The following PTPRD variants were observed in gnomAD, a reference collection of about 807,000 sequenced individuals.
PTPRD encodes receptor-type tyrosine-protein phosphatase delta.
Under a neutral mutation model 214.5 loss-of-function variants are expected in PTPRD, and 34 were observed. That is an observed-to-expected ratio of 0.16 (90% CI 0.12 to 0.21). The LOEUF (loss-of-function observed/expected upper bound fraction) is 0.21, where lower values mean the gene tolerates loss of function less well. PTPRD is among the 10% of genes least tolerant of loss of function. The pLI, the probability that PTPRD is intolerant of heterozygous loss-of-function variation, is 1.00. For missense variants in PTPRD, 2,545 were observed against 2,398.7 expected (o/e 1.06, Z -1.27); for synonymous variants, 1,128 against 845.7 (o/e 1.33, Z -5.79).
At chr9:10,533,951 G>A (rs912314524) in intron 2 of PTPRD, among the ~76,000 whole-genome samples, 4 of 151,006 alleles carry the variant, frequency 2.6e-5, no homozygotes, top group Non-Finnish European at 5.9e-5. Context: ...AGTTAAGTTT[G>A]TAGCCTATTT....
At chr9:8,716,746 A>G (rs2098440855) in intron 12 of PTPRD, among the ~76,000 whole-genome samples, 1 of 152,158 alleles carries the variant, frequency 6.6e-6, no homozygotes, top group Non-Finnish European at 1.5e-5. Context: ...CCCTCATGAG[A>G]TACAACACAA....
intron 11 of PTPRD, among the ~76,000 whole-genome samples, chr9:9,007,730 CT>C (rs35507897): frequency 3.8e-4 from 52 of 135,954 alleles, no homozygotes; most frequent in African/African-American, 6.0e-4. Context: ...TACTTGGATC[CT>C]TTTTTTTTTT....
chr9:8,363,054 C>T (rs1347225484), intron 39 of PTPRD, among the ~76,000 whole-genome samples: 1 of 152,104 alleles, frequency 6.6e-6, no homozygotes, highest in Admixed American at 6.5e-5. Flanking sequence ...TTGATTTTTA[C>T]TAGGGTTTTT....
chr9:8,358,457 T>C (rs1442936881), intron 39 of PTPRD, among the ~76,000 whole-genome samples: 1 of 152,198 alleles, frequency 6.6e-6, no homozygotes, highest in African/African-American at 2.4e-5. Flanking sequence ...AAAAATTTTA[T>C]GGAATTTAGA....
At chr9:9,413,910 T>C (rs1426115613) in intron 8 of PTPRD, among the ~76,000 whole-genome samples, 2 of 152,222 alleles carry the variant, frequency 1.3e-5, no homozygotes, top group Admixed American at 6.5e-5. Context: ...TAATTACTGA[T>C]ACCAGTCCAA....
At chr9:9,923,628 G>C (rs894811277) in intron 5 of PTPRD, among the ~76,000 whole-genome samples, 1 of 151,866 alleles carries the variant, frequency 6.6e-6, no homozygotes, top group East Asian at 1.9e-4. Flanking sequence ...AACAAAAAGG[G>C]AATCAGGCTG....
chr9:9,832,631 G>C (rs1052295337), intron 5 of PTPRD, among the ~76,000 whole-genome samples: 2 of 151,966 alleles, frequency 1.3e-5, no homozygotes, highest in Admixed American at 6.6e-5. Flanking sequence ...AAACATAAGA[G>C]AGAACTTCCA....
At chr9:8,665,557 C>T (rs1173953712) in intron 12 of PTPRD, among the ~76,000 whole-genome samples, 1 of 152,176 alleles carries the variant, frequency 6.6e-6, no homozygotes, top group Non-Finnish European at 1.5e-5. Flanking sequence ...AAGATCAATA[C>T]AGATATTATT....
At chr9:9,778,380 A>T (rs1268206024) in intron 5 of PTPRD, among the ~76,000 whole-genome samples, 3 of 152,142 alleles carry the variant, frequency 2.0e-5, no homozygotes, top group Non-Finnish European at 4.4e-5. Context: ...TCCCTGGGGA[A>T]AAGGCAGAGA....
At chr9:10,574,777 A>G (rs201945954) in intron 2 of PTPRD, among the ~76,000 whole-genome samples, 12 of 122,660 alleles carry the variant, frequency 9.8e-5, no homozygotes, top group South Asian at 6.2e-4. Context: ...GTGTGTGTGT[A>G]TATATATACA....
intron 11 of PTPRD, among the ~76,000 whole-genome samples, chr9:8,818,374 T>C (rs1428173455): frequency 2.6e-5 from 4 of 152,214 alleles, no homozygotes; most frequent in African/African-American, 9.6e-5. Context: ...TAATTTGGTT[T>C]AATAACTTAT....
chr9:9,889,431 A>G (rs2072374020), intron 5 of PTPRD, among the ~76,000 whole-genome samples: 1 of 152,156 alleles, frequency 6.6e-6, no homozygotes, highest in Non-Finnish European at 1.5e-5. Flanking sequence ...TTAAATAAAT[A>G]TAGAAGTCCT....
At chr9:10,144,892 A>T (rs1484053985) in intron 3 of PTPRD, among the ~76,000 whole-genome samples, 1 of 152,136 alleles carries the variant, frequency 6.6e-6, no homozygotes, top group African/African-American at 2.4e-5. Flanking sequence ...AAAATTAAAA[A>T]TAAAATTAGT....
intron 3 of PTPRD, among the ~76,000 whole-genome samples, chr9:10,086,365 T>C (rs951543595): frequency 2.0e-5 from 3 of 151,600 alleles, no homozygotes; most frequent in Non-Finnish European, 2.9e-5. Context: ...CCAACTATCC[T>C]CTCCTTTTCA....
chr9:10,260,792 G>A (rs992721420), intron 3 of PTPRD, among the ~76,000 whole-genome samples: 7 of 151,892 alleles, frequency 4.6e-5, no homozygotes, highest in African/African-American at 9.7e-5. Flanking sequence ...TCCTTTTAGG[G>A]CAACATTGTT....
chr9:10,015,198 T>G (rs776484176), intron 4 of PTPRD, among the ~76,000 whole-genome samples: 35 of 152,274 alleles, frequency 2.3e-4, no homozygotes, highest in South Asian at 4.1e-4. Flanking sequence ...TAACTCAGAA[T>G]TGACCTTTTC....
At chr9:8,475,056 T>C (rs995344032) in intron 30 of PTPRD, among the ~76,000 whole-genome samples, 4 of 152,110 alleles carry the variant, frequency 2.6e-5, no homozygotes, top group Non-Finnish European at 5.9e-5. Flanking sequence ...TCTAGTCACC[T>C]CTCTTTCTCC....
At chr9:10,380,792 A>AT (rs1378673988) in intron 2 of PTPRD, among the ~76,000 whole-genome samples, 1 of 151,498 alleles carries the variant, frequency 6.6e-6, no homozygotes, top group Non-Finnish European at 1.5e-5. Flanking sequence ...AACAATTTCC[A>AT]TTTTTTTCCT....
intron 5 of PTPRD, among the ~76,000 whole-genome samples, chr9:9,875,045 T>G (rs979495486): frequency 1.3e-5 from 2 of 152,160 alleles, no homozygotes; most frequent in Non-Finnish European, 2.9e-5. Context: ...ATAACTCAAG[T>G]GAACACAATG....
Sources: allele counts gnomAD v4.1 joint callset (sites outside exome capture counted in the v4.1 genomes callset), GRCh38; gene constraint gnomAD v4.1.1; transcripts MANE v1.5; gene names NCBI Gene and HGNC (gene_info 2026-07-23, HGNC 2026-07-21).